LOC728743: variants seen among roughly 807,000 people sequenced by gnomAD.
chr7:150,404,135 G>A, the LOC728743 span, among the ~76,000 whole-genome samples: 1 of 152,258 alleles, frequency 6.6e-6, no homozygotes, highest in African/African-American at 2.4e-5. Context: ...GCCTTGGAGA[G>A]AGAGTCGCGT....
the LOC728743 span, chr7:150,408,238 G>T: frequency 2.6e-6 from 1 of 387,392 alleles, no homozygotes; most frequent in South Asian, 1.3e-4. Context: ...CCCGGGGCCT[G>T]CTGCCGACGG....
chr7:150,406,133 C>G, the LOC728743 span, among the ~76,000 whole-genome samples: 2 of 152,152 alleles, frequency 1.3e-5, no homozygotes, highest in Non-Finnish European at 2.9e-5. Flanking sequence ...GGACTTGTCT[C>G]CTTCCCCAGG....
chr7:150,403,174 G>A, the LOC728743 span, among the ~76,000 whole-genome samples: 3 of 152,122 alleles, frequency 2.0e-5, no homozygotes, highest in African/African-American at 2.4e-5. This position sits in a 1 kb window ranked among gnomAD's most constrained non-coding sequence, Gnocchi z 5.1. Flanking sequence ...AATGGGATGA[G>A]GGGGAACCTT....
chr7:150,407,374 A>C, the LOC728743 span, among the ~76,000 whole-genome samples: 1 of 152,270 alleles, frequency 6.6e-6, no homozygotes, highest in Non-Finnish European at 1.5e-5. Context: ...TTGGGAAGGG[A>C]CTGGAAGGAG....
the LOC728743 span, among the ~76,000 whole-genome samples, chr7:150,406,096 A>T: frequency 6.6e-6 from 1 of 152,056 alleles, no homozygotes; most frequent in Non-Finnish European, 1.5e-5. Flanking sequence ...TGTGGAAAAG[A>T]CTTGTGGGTG....
the LOC728743 span, chr7:150,407,921 T>C: frequency 2.4e-6 from 1 of 414,096 alleles, no homozygotes. Flanking sequence ...GTGCGGCCGC[T>C]GCTTCAGCCT....
chr7:150,408,404 C>G, the LOC728743 span: 1 of 358,682 alleles, frequency 2.8e-6, no homozygotes, highest in Non-Finnish European at 5.0e-6. Flanking sequence ...CGCGTTCCTC[C>G]CTCGGGACCC....
the LOC728743 span, among the ~76,000 whole-genome samples, chr7:150,409,626 C>T: frequency 4.6e-5 from 7 of 152,004 alleles, no homozygotes; most frequent in South Asian, 2.1e-4. Flanking sequence ...AAAAAGTGGA[C>T]GATGGAGCAG....
chr7:150,411,191 C>T, the LOC728743 span: 5 of 152,370 alleles, frequency 3.3e-5, no homozygotes, highest in African/African-American at 1.2e-4. Flanking sequence ...GCTGTGGACG[C>T]TGGTGGGAGC....
the LOC728743 span, among the ~76,000 whole-genome samples, chr7:150,402,205 C>G: frequency 6.6e-6 from 1 of 152,240 alleles, no homozygotes; most frequent in East Asian, 1.9e-4. Context: ...AATTAACCAT[C>G]TCCAGTGTGA....
chr7:150,401,166 A>G, the LOC728743 span, among the ~76,000 whole-genome samples: 1 of 152,204 alleles, frequency 6.6e-6, no homozygotes, highest in Non-Finnish European at 1.5e-5. Flanking sequence ...TGCCTGCATC[A>G]TCCTTGTATT....
At chr7:150,409,652 A>G in the LOC728743 span, among the ~76,000 whole-genome samples, 1 of 152,134 alleles carries the variant, frequency 6.6e-6, no homozygotes, top group Non-Finnish European at 1.5e-5. Context: ...ATTTGGGGCC[A>G]TGTGATAGGA....
At chr7:150,411,229 G>A in the LOC728743 span, 104,277 of 152,212 alleles carry the variant, frequency 0.69, 36,207 homozygotes, top group Non-Finnish European at 0.75. Flanking sequence ...CTGCCCCAGG[G>A]AGAAAGAATC....
At chr7:150,410,364 C>T in the LOC728743 span, 41 of 392,812 alleles carry the variant, frequency 1.0e-4, no homozygotes, top group African/African-American at 8.0e-4. Flanking sequence ...AGATTCCAAG[C>T]TCTGGTGGAC....
the LOC728743 span, chr7:150,410,380 C>T: frequency 2.6e-6 from 1 of 390,792 alleles, no homozygotes; most frequent in Non-Finnish European, 4.5e-6. Context: ...TGGACAAACT[C>T]TCCAGGCCTG....
At chr7:150,404,835 G>C in the LOC728743 span, 4 of 152,384 alleles carry the variant, frequency 2.6e-5, no homozygotes, top group Non-Finnish European at 5.9e-5. Flanking sequence ...TGTCAGCGAG[G>C]GCAGCTCCTC....
the LOC728743 span, among the ~76,000 whole-genome samples, chr7:150,407,412 G>A: frequency 1.3e-5 from 2 of 152,174 alleles, no homozygotes; most frequent in Non-Finnish European, 2.9e-5. Flanking sequence ...AGGCAGTGGA[G>A]GAAGAGGAAC....
chr7:150,401,825 C>A, the LOC728743 span, among the ~76,000 whole-genome samples: 1 of 152,154 alleles, frequency 6.6e-6, no homozygotes. Flanking sequence ...GAACTTTATT[C>A]AATTTTAATT....
chr7:150,408,533 T>G, the LOC728743 span: 6 of 239,610 alleles, frequency 2.5e-5, no homozygotes, highest in Non-Finnish European at 2.4e-5. Flanking sequence ...GGGCTGGGAG[T>G]GGTGGGGGTG....
Sources: gnomAD v4.1 joint callset for allele counts (sites outside exome capture counted in the v4.1 genomes callset) on GRCh38, gnomAD v4.1.1 for gene constraint, Gnocchi (gnomAD v3.1) non-coding constraint, MANE v1.5 for transcripts.